Variants in CACNG5 observed in about 807,000 individuals in gnomAD.
CACNG5 encodes the protein calcium voltage-gated channel auxiliary subunit gamma 5, also known as voltage-dependent calcium channel gamma-5 subunit.
In CACNG5, 18 loss-of-function variants were observed where a neutral mutation model predicts 24.8. The observed-to-expected ratio is 0.73, with a 90% CI of 0.50 to 1.08. The LOEUF (loss-of-function observed/expected upper bound fraction) is 1.08. Among genes scored for constraint, CACNG5 ranks in the 50% least tolerant of loss-of-function variants. The probability of loss-of-function intolerance (pLI) is 0.00; values close to 1 mark genes in which losing one functional copy is unlikely to be tolerated. For missense variants in CACNG5, 349 were observed against 367.9 expected (o/e 0.95, Z 0.42); for synonymous variants, 157 against 149.1 (o/e 1.05, Z -0.39).
intron 1 of CACNG5, among the ~76,000 whole-genome samples, chr17:66,869,285 A>C (rs1976970387): frequency 6.6e-6 from 1 of 151,970 alleles, no homozygotes; most frequent in African/African-American, 2.4e-5. Context: ...GATTTCACCA[A>C]GTTGGCCAGG....
Position 66,878,984 on chromosome 17 carries a change from G to A in CACNG5, c.209G>A (p.Gly70Glu), listed in dbSNP as rs1391685806. The A allele has an allele frequency of 7.4e-6, 12 of 1,613,156 alleles. No individual in the cohort carries two copies. In the Admixed American group the frequency reaches 1.8e-4, roughly 25 times the overall value. ...CTTGTCTCCACAGGTGAGGAGCGGG[G>A]GCGTTGCTTCACCATAGAATATGTG... ...RVCFLAGEER[G>E]RCFTIEYVMP... Residue 70 changes from glycine (G) to glutamate (E), a missense_variant, in exon 3 of 6, where the codon GGG (glycine) becomes GAG (glutamate). Physicochemically the swap from Gly to Glu is moderately conservative, Grantham distance 98. Transcript: ENST00000533854.
intron 3 of CACNG5, among the ~76,000 whole-genome samples, chr17:66,879,835 T>A (rs934331898): frequency 1.3e-5 from 2 of 152,100 alleles, no homozygotes; most frequent in African/African-American, 4.8e-5. Context: ...ACATTATTGA[T>A]CATGTGATTG....
intron 1 of CACNG5, among the ~76,000 whole-genome samples, chr17:66,845,556 G>A (rs1485073136): frequency 6.6e-6 from 1 of 151,980 alleles, no homozygotes; most frequent in Admixed American, 6.5e-5. Flanking sequence ...TTTGCCAGAT[G>A]TTCCCCAATT....
rs199942223 is a variant in CACNG5 at position 66,877,321 on chromosome 17, C to A, written c.-12C>A. ...AGCGTGGCGACTAGTTGCACAGCAA[C>A]GGTCCAGGAAGATGAGTGCCTGCGG... On this transcript the variant is annotated 5_prime_UTR_variant, in exon 2 of 6. Transcript: ENST00000533854. 2 of 1,610,042 alleles carry A rather than the reference C, an allele frequency of 1.2e-6. No homozygotes were observed. The highest frequency in any genetic ancestry group is 4.5e-5 in the East Asian group (2 of 44,796).
intron 1 of CACNG5, among the ~76,000 whole-genome samples, chr17:66,866,711 C>T (rs896588059): frequency 2.0e-5 from 3 of 152,228 alleles, no homozygotes; most frequent in South Asian, 2.1e-4. Context: ...TGAGTGAAGA[C>T]GTGCAGTATT....
In CACNG5 at chr17:66,885,093, C is replaced by T; in HGVS notation, c.681C>T (p.Tyr227=). ...CTCGGCTGAGCAACTGCTCCGATTA[C>T]TCAGGCCAGTTCCTACACCCAGACG... ...YRPRLSNCSD[Y]SGQFLHPDAW... is the part of the protein sequence containing the mutation. The change falls in exon 6 of 6, where the codon TAC becomes TAT. Residue 227 remains tyrosine (Y), a synonymous_variant. Transcript: ENST00000533854. The T allele has an allele frequency of 1.9e-6, 3 of 1,614,234 alleles. No individual in the cohort carries two copies. The highest frequency in any genetic ancestry group is 1.7e-6 in the Non-Finnish European group (2 of 1,180,040).
At chr17:66,865,619 G>A (rs939485426) in intron 1 of CACNG5, among the ~76,000 whole-genome samples, 1 of 142,044 alleles carries the variant, frequency 7.0e-6, no homozygotes, top group Admixed American at 7.5e-5. Context: ...TTCAAATCAA[G>A]TCTGACAAAA....
At chr17:66,854,739 G>A (rs1048571353) in intron 1 of CACNG5, among the ~76,000 whole-genome samples, 1 of 151,868 alleles carries the variant, frequency 6.6e-6, no homozygotes, top group African/African-American at 2.4e-5. Context: ...AGACTGTGCA[G>A]AACGTTTCAG....
Position 66,863,563 on chromosome 17 carries a change from C to T in CACNG5, c.-103-13667C>T, listed in dbSNP as rs192405917. ...TGTATTTTTAGTAGAGTCAAGGTTTCACCATGTTGACCAGGCTGGTCTCAA... is the reference window on the plus strand; with the variant it reads ...TGTATTTTTAGTAGAGTCAAGGTTTTACCATGTTGACCAGGCTGGTCTCAA... On this transcript the variant is annotated intron_variant, in intron 1 of 5. Transcript: ENST00000533854. 3.1e-3 allele frequency among the ~76,000 whole-genome samples: 467 copies of T among 152,272 alleles called. 2 individuals are homozygous for T. Among genetic ancestry groups the T allele is most frequent in the African/African-American group, 9.8e-3 (409 of 41,562 alleles).
chr17:66,849,302 T>G (rs1157154226), intron 1 of CACNG5, among the ~76,000 whole-genome samples: 5 of 150,070 alleles, frequency 3.3e-5, no homozygotes, highest in Non-Finnish European at 7.4e-5. Context: ...GCACCCGGGG[T>G]TGGGGGCAGG....
In CACNG5 at chr17:66,891,410, C is replaced by T. The variant is rs1977343245; in HGVS notation, c.*6170C>T. 6.6e-6 allele frequency among the ~76,000 whole-genome samples: 1 copy of T among 152,224 alleles called. No individual in the cohort carries two copies. Among genetic ancestry groups the T allele is most frequent in the South Asian group, 2.1e-4 (1 of 4,826 alleles). On this transcript the variant is annotated 3_prime_UTR_variant, in exon 6 of 6. Transcript: ENST00000533854. ...CAGCAAGGCAGTTCTCACTCAGGAT[C>T]TCCCAGGCAGTTGGAGTCAGACAGT...
intron 1 of CACNG5, among the ~76,000 whole-genome samples, chr17:66,864,073 G>A (rs1439898664): frequency 6.6e-6 from 1 of 152,142 alleles, no homozygotes; most frequent in African/African-American, 2.4e-5. Flanking sequence ...CCCAAGGTAG[G>A]ATTCACTTTT....
intron 1 of CACNG5, among the ~76,000 whole-genome samples, chr17:66,853,224 A>C (rs1038844431): frequency 6.6e-6 from 1 of 152,192 alleles, no homozygotes; most frequent in Non-Finnish European, 1.5e-5. Flanking sequence ...GTAGTATTCT[A>C]TATACCACAG....
intron 1 of CACNG5, among the ~76,000 whole-genome samples, chr17:66,876,979 CTGAATGAATGAATGAA>C (rs3834579): frequency 8.0e-5 from 12 of 149,116 alleles, no homozygotes; most frequent in African/African-American, 2.5e-4. Context: ...CAATGGGTTG[CTGAATGAATGAATGAA>C]TGAATGAATG....
intron 1 of CACNG5, among the ~76,000 whole-genome samples, chr17:66,854,361 G>C (rs1469140113): frequency 1.3e-5 from 2 of 151,782 alleles, no homozygotes; most frequent in Non-Finnish European, 2.9e-5. Context: ...CTGGGAGGCA[G>C]AGTGCAGTGA....
intron 1 of CACNG5, among the ~76,000 whole-genome samples, chr17:66,842,059 G>C (rs562049543): frequency 6.7e-6 from 1 of 149,960 alleles, no homozygotes; most frequent in Admixed American, 6.7e-5. Context: ...GTGAGGTTTA[G>C]GGGGGCTTCA....
chr17:66,835,202 C>T lies in CACNG5; in HGVS notation c.-152C>T, dbSNP rs573637226. ...GTACCTCCCGCCCCGCGCGCCCAGCCGGCGAGGGACATTGGACCAGGGTCG... is the reference window on the plus strand; with the variant it reads ...GTACCTCCCGCCCCGCGCGCCCAGCTGGCGAGGGACATTGGACCAGGGTCG... On this transcript the variant is annotated 5_prime_UTR_variant, in exon 1 of 6. Coordinates refer to ENST00000533854, the MANE Select transcript of CACNG5 (RefSeq NM_145811.3). 6.6e-6 allele frequency: 1 copy of T among 152,340 alleles called. No individual in the cohort carries two copies. Among genetic ancestry groups the T allele is most frequent in the Non-Finnish European group, 1.5e-5 (1 of 68,134 alleles). The allele number at this position is 152,340 out of a possible 1,614,324, so 9.4% of individuals were successfully genotyped here.
intron 1 of CACNG5, among the ~76,000 whole-genome samples, chr17:66,865,258 C>T (rs1976913333): frequency 7.1e-6 from 1 of 140,874 alleles, no homozygotes; most frequent in African/African-American, 2.5e-5. Context: ...AACTCTTGTA[C>T]TATTTTTATG....
intron 1 of CACNG5, among the ~76,000 whole-genome samples, chr17:66,855,920 TAAAAGATTCTTTTTTAGGAATTAGCA>T (rs1489500146): frequency 6.6e-6 from 1 of 152,238 alleles, no homozygotes; most frequent in African/African-American, 2.4e-5. Context: ...TCCCACATTT[TAAAAGATTCTTTTTTAGGAATTAGCA>T]AACAAACTAT....
Sources: allele counts gnomAD v4.1 joint callset (sites outside exome capture counted in the v4.1 genomes callset), GRCh38; gene constraint gnomAD v4.1.1; transcripts MANE v1.5; gene names NCBI Gene and HGNC (gene_info 2026-07-23, HGNC 2026-07-21).